GALNT17: variants seen among roughly 807,000 people sequenced by gnomAD.
The protein encoded by GALNT17 is polypeptide N-acetylgalactosaminyltransferase 17.
In GALNT17, 29 loss-of-function variants were observed where a neutral mutation model predicts 63.7. The ratio of observed to expected loss-of-function variants is 0.46; its 90% CI spans 0.34 to 0.62. The LOEUF is 0.62. GALNT17 is among the 20% of genes least tolerant of loss of function. The probability of loss-of-function intolerance (pLI) is 0.01; values close to 1 mark genes in which losing one functional copy is unlikely to be tolerated. For missense variants in GALNT17, 603 were observed against 799.6 expected (o/e 0.75, Z 2.97); for synonymous variants, 305 against 318.3 (o/e 0.96, Z 0.45).
chr7:71,694,149 T>C (rs1031392744), intron 9 of GALNT17, among the ~76,000 whole-genome samples: 1 of 151,990 alleles, frequency 6.6e-6, no homozygotes, highest in African/African-American at 2.4e-5. Flanking sequence ...CTCCCCTTTA[T>C]AAAACCATCA....
intron 8 of GALNT17, among the ~76,000 whole-genome samples, chr7:71,671,488 G>A (rs1791068788): frequency 6.6e-6 from 1 of 152,200 alleles, no homozygotes; most frequent in South Asian, 2.1e-4. Context: ...GTAGAGTGGT[G>A]ACCCTCCTGA....
chr7:71,164,443 A>G (rs1660173671), intron 1 of GALNT17, among the ~76,000 whole-genome samples: 2 of 152,196 alleles, frequency 1.3e-5, no homozygotes, highest in Admixed American at 1.3e-4. Flanking sequence ...CCATGATCGA[A>G]TCACCTCCCA....
At chr7:71,667,471 C>T (rs572623716) in intron 7 of GALNT17, among the ~76,000 whole-genome samples, 4 of 152,300 alleles carry the variant, frequency 2.6e-5, no homozygotes, top group African/African-American at 9.6e-5. Context: ...ATAACAACCT[C>T]ATGACATAAG....
chr7:71,206,666 C>T (rs974245954), intron 1 of GALNT17, among the ~76,000 whole-genome samples: 5 of 152,102 alleles, frequency 3.3e-5, no homozygotes, highest in Non-Finnish European at 5.9e-5. Flanking sequence ...GCGACCAAGA[C>T]GGTGGGTTTC....
intron 1 of GALNT17, among the ~76,000 whole-genome samples, chr7:71,138,725 G>A (rs987332773): frequency 2.0e-5 from 3 of 152,152 alleles, no homozygotes; most frequent in Non-Finnish European, 4.4e-5. Flanking sequence ...TGTAATCCCA[G>A]CATTTTGGGA....
intron 1 of GALNT17, among the ~76,000 whole-genome samples, chr7:71,161,917 C>G (rs1562875307): frequency 6.6e-6 from 1 of 151,962 alleles, no homozygotes; most frequent in Non-Finnish European, 1.5e-5. Flanking sequence ...TTGGTCCCCC[C>G]ATTTATCGTC....
chr7:71,622,173 C>T lies in GALNT17; in HGVS notation c.1081-43238C>T, dbSNP rs142435076. Reference sequence around the variant, plus strand: ...GAACAGGGACCCAGCACAAAATCTGCGGGAATGGAACTCCTAGAATGGGCA... The same window carrying T: ...GAACAGGGACCCAGCACAAAATCTGTGGGAATGGAACTCCTAGAATGGGCA... On this transcript the variant is annotated intron_variant, in intron 6 of 10. Coordinates refer to ENST00000333538, the MANE Select transcript of GALNT17 (RefSeq NM_022479.3). 3.1e-3 allele frequency among the ~76,000 whole-genome samples: 465 copies of T among 152,300 alleles called. 5 individuals are homozygous for T. The highest frequency in any genetic ancestry group is 0.011 in the African/African-American group (450 of 41,564).
chr7:71,664,481 C>T (rs753553149), intron 6 of GALNT17, among the ~76,000 whole-genome samples: 3 of 152,092 alleles, frequency 2.0e-5, no homozygotes, highest in Non-Finnish European at 2.9e-5. Flanking sequence ...CATGGAGGCA[C>T]GTACCTGTAG....
intron 2 of GALNT17, among the ~76,000 whole-genome samples, chr7:71,361,133 T>C (rs1324490487): frequency 6.6e-6 from 1 of 152,178 alleles, no homozygotes; most frequent in Non-Finnish European, 1.5e-5. Flanking sequence ...TCCCAGAATT[T>C]CTGGTATGCA....
chr7:71,522,626 C>T (rs1423256225), intron 5 of GALNT17, among the ~76,000 whole-genome samples: 1 of 152,130 alleles, frequency 6.6e-6, no homozygotes, highest in Non-Finnish European at 1.5e-5. Context: ...CCTCCCATAA[C>T]ATGTGGGAAT....
chr7:71,237,360 G>A (rs1395731731), intron 1 of GALNT17, among the ~76,000 whole-genome samples: 1 of 151,836 alleles, frequency 6.6e-6, no homozygotes, highest in East Asian at 1.9e-4. Flanking sequence ...ATTTGCCTGG[G>A]ACGGAACAGG....
chr7:71,177,158 A>G (rs918395622), intron 1 of GALNT17, among the ~76,000 whole-genome samples: 1 of 152,046 alleles, frequency 6.6e-6, no homozygotes, highest in African/African-American at 2.4e-5. Flanking sequence ...CTGTCCTCAT[A>G]TGTTCGAGGA....
intron 1 of GALNT17, among the ~76,000 whole-genome samples, chr7:71,262,472 G>A (rs1206142434): frequency 6.6e-6 from 1 of 151,992 alleles, no homozygotes; most frequent in Non-Finnish European, 1.5e-5. Context: ...TGTTCACTTG[G>A]CACAATTTCA....
chr7:71,135,642 C>T (rs1399051236), intron 1 of GALNT17, among the ~76,000 whole-genome samples: 1 of 152,230 alleles, frequency 6.6e-6, no homozygotes, highest in Non-Finnish European at 1.5e-5. Context: ...GCCCAGGTCT[C>T]AGGTGAAGCC....
At chr7:71,292,079 T>A (rs1187450491) in intron 1 of GALNT17, among the ~76,000 whole-genome samples, 1 of 152,218 alleles carries the variant, frequency 6.6e-6, no homozygotes, top group Non-Finnish European at 1.5e-5. Flanking sequence ...TTCAAGCTAG[T>A]TTATAACTGT....
chr7:71,333,859 A>G (rs1471467474), intron 1 of GALNT17, among the ~76,000 whole-genome samples: 1 of 152,226 alleles, frequency 6.6e-6, no homozygotes, highest in Admixed American at 6.5e-5. Context: ...CATTCCCACT[A>G]GTAATGTTGC....
chr7:71,443,686 A>ATGTTT (rs1344630867), intron 5 of GALNT17, among the ~76,000 whole-genome samples: 1 of 151,652 alleles, frequency 6.6e-6, no homozygotes, highest in Non-Finnish European at 1.5e-5. Context: ...CATGAGCCAG[A>ATGTTT]TAAACCTCTA....
At chr7:71,698,123 CAAA>C (rs10708106) in intron 9 of GALNT17, among the ~76,000 whole-genome samples, 4 of 107,752 alleles carry the variant, frequency 3.7e-5, no homozygotes, top group Non-Finnish European at 3.9e-5. Context: ...GACTCTGTCT[CAAA>C]AAAAAAAAAA....
chr7:71,322,323 A>G (rs2091792), intron 1 of GALNT17, among the ~76,000 whole-genome samples: 97,064 of 151,888 alleles, frequency 0.64, 31,327 homozygotes, highest in African/African-American at 0.73. Context: ...TTTGTAGAGC[A>G]ATTCCAGGAA....
Sources: allele counts gnomAD v4.1 joint callset (sites outside exome capture counted in the v4.1 genomes callset), GRCh38; gene constraint gnomAD v4.1.1; transcripts MANE v1.5; gene names NCBI Gene and HGNC (gene_info 2026-07-23, HGNC 2026-07-21).